The following NELL1 variants were observed in gnomAD, a reference collection of about 807,000 sequenced individuals.
NELL1 encodes the protein protein kinase C-binding protein NELL1.
A neutral mutation model predicts 107.4 loss-of-function variants in NELL1; 76 were observed. The observed-to-expected ratio is 0.71, with a 90% CI of 0.59 to 0.86. The LOEUF (loss-of-function observed/expected upper bound fraction) is 0.86, where lower values mean the gene tolerates loss of function less well. NELL1 is among the 40% of genes least tolerant of loss of function. NELL1 has a pLI of 0.00. For synonymous variants in NELL1, 353 were observed against 341.2 expected, an observed-to-expected ratio of 1.03 and a Z score of -0.38; for missense variants, 1,024 against 1,005.5, an observed-to-expected ratio of 1.02 and a Z score of -0.25.
At chr11:21,557,254 A>G (rs1017797039) in intron 16 of NELL1, among the ~76,000 whole-genome samples, 1 of 152,044 alleles carries the variant, frequency 6.6e-6, no homozygotes, top group African/African-American at 2.4e-5. Context: ...CCTATATTCA[A>G]CTGTGAAATC....
chr11:21,138,426 A>T (rs1250996727), intron 13 of NELL1, among the ~76,000 whole-genome samples: 1 of 152,196 alleles, frequency 6.6e-6, no homozygotes, highest in African/African-American at 2.4e-5. Context: ...ACTGAGACAA[A>T]CCATCTATCA....
Position 20,677,947 on chromosome 11 carries a change from T to C in NELL1, c.71T>C (p.Met24Thr), listed in dbSNP as rs759008072. Reference protein sequence around the residue: ...CTARTVVGFGMDPDLQMDIVT... With the variant: ...CTARTVVGFGTDPDLQMDIVT... The stretch of plus-strand genomic sequence containing the variant: ...TCCTTTCCAGTGGTGGGCTTTGGGA[T>C]GGACCCTGACCTTCAGATGGATATC... The change falls in exon 2 of 20, where the codon ATG becomes ACG. Residue 24 changes from methionine (M) to threonine (T), a missense_variant. Coordinates refer to ENST00000357134, the MANE Select transcript of NELL1 (RefSeq NM_006157.5). The C allele has an allele frequency of 2.5e-6, 4 of 1,614,156 alleles. No homozygotes were observed. The highest frequency in any genetic ancestry group is 1.7e-5 in the Admixed American group (1 of 60,016).
chr11:20,887,851 A>G (rs1849541072), intron 5 of NELL1, among the ~76,000 whole-genome samples: 1 of 152,220 alleles, frequency 6.6e-6, no homozygotes, highest in African/African-American at 2.4e-5. Context: ...ATGCCCACAG[A>G]TTAAGTCCAT....
chr11:21,254,717 C>A (rs1198982081), intron 14 of NELL1, among the ~76,000 whole-genome samples: 2 of 152,078 alleles, frequency 1.3e-5, no homozygotes, highest in East Asian at 3.9e-4. Flanking sequence ...AAAGACCAAG[C>A]TGAACTGATC....
At chr11:21,111,585 TGGGGGCCCA>T (rs1165534788) in intron 12 of NELL1, among the ~76,000 whole-genome samples, 1 of 152,034 alleles carries the variant, frequency 6.6e-6, no homozygotes, top group African/African-American at 2.4e-5. Flanking sequence ...GCTCCTCACT[TGGGGGCCCA>T]GGTTGAAAGA....
chr11:20,695,805 G>T (rs112459098), intron 2 of NELL1, among the ~76,000 whole-genome samples: 6,339 of 152,156 alleles, frequency 0.042, 438 homozygotes, highest in African/African-American at 0.14. Context: ...AGTTAGGAAG[G>T]AGTCCTCCCT....
chr11:20,776,872 A>C (rs997907374), intron 2 of NELL1, among the ~76,000 whole-genome samples: 3 of 152,208 alleles, frequency 2.0e-5, no homozygotes, highest in African/African-American at 7.2e-5. Flanking sequence ...CTTTGTCTCC[A>C]CTCGTCATGT....
At chr11:20,874,392 T>C (rs1849264090) in intron 4 of NELL1, among the ~76,000 whole-genome samples, 1 of 152,196 alleles carries the variant, frequency 6.6e-6, no homozygotes, top group African/African-American at 2.4e-5. Context: ...GCAGAATTAA[T>C]TGAGGGTTTT....
At chr11:20,845,797 G>A (rs1013078026) in intron 3 of NELL1, among the ~76,000 whole-genome samples, 5 of 152,010 alleles carry the variant, frequency 3.3e-5, no homozygotes, top group African/African-American at 1.2e-4. Flanking sequence ...TTTTGGGGGG[G>A]CCGTGGGGAG....
intron 18 of NELL1, among the ~76,000 whole-genome samples, chr11:21,571,354 A>G (rs1271213445): frequency 1.3e-5 from 2 of 151,884 alleles, no homozygotes; most frequent in Non-Finnish European, 2.9e-5. Context: ...AGATTTAATC[A>G]TAGAGACCTA....
intron 14 of NELL1, among the ~76,000 whole-genome samples, chr11:21,303,077 T>C (rs1455227304): frequency 2.0e-5 from 1 of 49,188 alleles, no homozygotes; most frequent in African/African-American, 6.6e-5. Context: ...TTGCTCTATA[T>C]CTATATCTAT....
intron 2 of NELL1, among the ~76,000 whole-genome samples, chr11:20,726,273 C>A (rs1298848587): frequency 6.6e-6 from 1 of 152,036 alleles, no homozygotes. Context: ...GGGATTGTTG[C>A]ATCAAATGGT....
chr11:20,742,376 C>A (rs1489594108), intron 2 of NELL1, among the ~76,000 whole-genome samples: 1 of 152,098 alleles, frequency 6.6e-6, no homozygotes, highest in Non-Finnish European at 1.5e-5. Context: ...AATTATAATG[C>A]CTTTCCTCGA....
chr11:20,755,562 G>GTTTT (rs869257918), intron 2 of NELL1, among the ~76,000 whole-genome samples: 407 of 26,024 alleles, frequency 0.016, 14 homozygotes, highest in African/African-American at 0.025. Flanking sequence ...TTTTGTTTTT[G>GTTTT]TTTTTTTTTT....
intron 14 of NELL1, 134 bp downstream of exon 14, chr11:21,229,588 A>G: frequency 8.1e-7 from 1 of 1,236,898 alleles, no homozygotes; most frequent in Non-Finnish European, 1.1e-6. Flanking sequence ...TCAACTGGCA[A>G]GGGTACTGTG....
intron 10 of NELL1, among the ~76,000 whole-genome samples, chr11:20,944,728 T>C (rs1238380668): frequency 3.3e-5 from 5 of 152,172 alleles, no homozygotes; most frequent in Admixed American, 6.5e-5. Flanking sequence ...TTAAATGGAT[T>C]TGGTGGCACT....
At chr11:20,965,715 T>C (rs1043681102) in intron 12 of NELL1, among the ~76,000 whole-genome samples, 19 of 152,188 alleles carry the variant, frequency 1.2e-4, no homozygotes, top group African/African-American at 4.6e-4. Flanking sequence ...AGGTGATTTA[T>C]AACTTCTTTC....
intron 11 of NELL1, among the ~76,000 whole-genome samples, chr11:20,960,034 T>C (rs1851257828): frequency 6.6e-6 from 1 of 151,782 alleles, no homozygotes; most frequent in Non-Finnish European, 1.5e-5. Flanking sequence ...AATTAAGGAG[T>C]TTTGATAATC....
chr11:20,900,444 G>C (rs1849848363), intron 5 of NELL1, among the ~76,000 whole-genome samples: 1 of 152,132 alleles, frequency 6.6e-6, no homozygotes, highest in African/African-American at 2.4e-5. Context: ...ACACAGTGAG[G>C]AGCAAAGGAC....
Sources: gnomAD v4.1 joint callset for allele counts (sites outside exome capture counted in the v4.1 genomes callset) on GRCh38, gnomAD v4.1.1 for gene constraint, MANE v1.5 for transcripts, NCBI Gene and HGNC (gene_info 2026-07-23, HGNC 2026-07-21) for gene names.